Variants in DYNC2I1 observed in about 807,000 individuals in gnomAD.
DYNC2I1 encodes the protein dynein 2 intermediate chain 1.
A neutral mutation model predicts 133.4 loss-of-function variants in DYNC2I1; 89 were observed. The ratio of observed to expected loss-of-function variants is 0.67; its 90% CI spans 0.56 to 0.80. The LOEUF is 0.80. Ranked by LOEUF, DYNC2I1 falls within the 30% of genes least tolerant of loss-of-function variation. The probability of loss-of-function intolerance (pLI) is 0.00; values close to 1 mark genes in which losing one functional copy is unlikely to be tolerated. For synonymous variants in DYNC2I1, 504 were observed against 484.3 expected (o/e 1.04, Z -0.54); for missense variants, 1,291 against 1,314.5 (o/e 0.98, Z 0.28).
chr7:158,875,937 A>G (rs545491194), intron 3 of DYNC2I1, among the ~76,000 whole-genome samples: 81 of 152,292 alleles, frequency 5.3e-4, no homozygotes, highest in African/African-American at 1.8e-3. Context: ...TTGAATTTCC[A>G]AGGGTTACTC....
At chr7:158,862,558 A>C (rs1428759339) in intron 1 of DYNC2I1, among the ~76,000 whole-genome samples, 1 of 150,978 alleles carries the variant, frequency 6.6e-6, no homozygotes, top group East Asian at 2.0e-4. Flanking sequence ...CTCTTAAAAA[A>C]AAAAAAAAAA....
chr7:158,932,588 C>T (rs1378138163), intron 21 of DYNC2I1, among the ~76,000 whole-genome samples: 1 of 152,092 alleles, frequency 6.6e-6, no homozygotes, highest in Non-Finnish European at 1.5e-5. Flanking sequence ...TGGACATTAG[C>T]ATAAAGGTGG....
chr7:158,862,872 G>A lies in DYNC2I1; in HGVS notation c.15+6122G>A, dbSNP rs150034771. ...GTCTTGCTGACTTCAGGAGTGAAGC[G>A]ACAGACCTTCGCAGTGAGCGTTACA... On this transcript the variant is annotated intron_variant, in intron 1 of 24. Transcript: ENST00000407559. Among the ~76,000 whole-genome samples the A allele has an allele frequency of 2.5e-3, 378 of 152,026 alleles. 1 individual carries two copies. The highest frequency in any genetic ancestry group is 8.1e-3 in the South Asian group (39 of 4,798).
chr7:158,896,654 G>A lies in DYNC2I1; in HGVS notation c.1060-5085G>A, dbSNP rs115509667. The stretch of plus-strand genomic sequence containing the variant: ...TGCCCAGCTAGTTTTTAAATTTTTT[G>A]TAGAGACAGGGTCTTAAGATCTCAC... On this transcript the variant is annotated intron_variant, in intron 8 of 24. Coordinates refer to ENST00000407559, the MANE Select transcript of DYNC2I1 (RefSeq NM_018051.5). Among the ~76,000 whole-genome samples, 1,501 of 152,036 alleles carry A rather than the reference G, an allele frequency of 9.9e-3. 30 individuals carry two copies. The highest frequency in any genetic ancestry group is 0.034 in the African/African-American group (1,405 of 41,446).
chr7:158,841,118 C>A, the DYNC2I1 span, among the ~76,000 whole-genome samples: 1 of 143,354 alleles, frequency 7.0e-6, no homozygotes, highest in African/African-American at 2.7e-5. Flanking sequence ...AACTCCCAGT[C>A]ACAAAACACA....
intron 13 of DYNC2I1, among the ~76,000 whole-genome samples, chr7:158,913,906 C>T (rs771606406): frequency 1.4e-4 from 21 of 152,234 alleles, no homozygotes; most frequent in African/African-American, 2.9e-4. Context: ...GATGGGGTTT[C>T]GCCATGTTGG....
chr7:158,870,149 A>G (rs842697), intron 2 of DYNC2I1, among the ~76,000 whole-genome samples: 42,112 of 151,996 alleles, frequency 0.28, 6,724 homozygotes, highest in African/African-American at 0.43. Context: ...GCACTGCTTT[A>G]GGGCAGGGAG....
chr7:158,915,553 A>G (rs1303968708), intron 14 of DYNC2I1, among the ~76,000 whole-genome samples: 2 of 152,092 alleles, frequency 1.3e-5, no homozygotes, highest in Non-Finnish European at 2.9e-5. Flanking sequence ...GGTGGTTGAG[A>G]TTAAGGATGA....
chr7:158,910,799 G>C (rs1285717212), intron 11 of DYNC2I1, among the ~76,000 whole-genome samples: 1 of 150,120 alleles, frequency 6.7e-6, no homozygotes, highest in Non-Finnish European at 1.5e-5. Flanking sequence ...TGTGCGCAGG[G>C]CGATTGGCTG....
At chr7:158,896,615 G>A (rs1845782398) in intron 8 of DYNC2I1, among the ~76,000 whole-genome samples, 1 of 152,110 alleles carries the variant, frequency 6.6e-6, no homozygotes, top group African/African-American at 2.4e-5. Context: ...TGGGACTACA[G>A]GCATGTGCCA....
rs1847654486 is a variant in DYNC2I1, at chr7:158,913,116, T to C, written c.1702+20T>C. The stretch of plus-strand genomic sequence containing the variant: ...CTGGAGGTAACATCTTGCTCTTGAG[T>C]GTTGACCATTGACTCTCTTTACATT... On this transcript the variant is annotated intron_variant, in intron 13 of 24. Coordinates refer to ENST00000407559, the MANE Select transcript of DYNC2I1 (RefSeq NM_018051.5). The C allele has an allele frequency of 6.5e-7, 1 of 1,527,382 alleles. No individual in the cohort carries two copies. Among genetic ancestry groups the C allele is most frequent in the Non-Finnish European group, 9.0e-7 (1 of 1,109,160 alleles). 94.6% of individuals were successfully genotyped at this position (1,527,382 alleles called of 1,614,324 possible).
At chr7:158,867,942 C>T (rs967659562) in intron 1 of DYNC2I1, among the ~76,000 whole-genome samples, 1 of 152,120 alleles carries the variant, frequency 6.6e-6, no homozygotes, top group Non-Finnish European at 1.5e-5. Flanking sequence ...GTTTGGGCAA[C>T]ATGGCGGAAC....
intron 1 of DYNC2I1, 149 bp downstream of exon 1, chr7:158,856,899 G>A: frequency 1.0e-6 from 1 of 963,910 alleles, no homozygotes; most frequent in Non-Finnish European, 1.3e-6. Flanking sequence ...TGCCTCCGAG[G>A]CAGGAAGGGA....
chr7:158,952,446 G>A (rs1852081678), intron 4 of DYNC2I1, among the ~76,000 whole-genome samples: 1 of 152,196 alleles, frequency 6.6e-6, no homozygotes, highest in Admixed American at 6.5e-5. Flanking sequence ...GTTAGAGAAG[G>A]CCTCTTCCGT....
downstream of DYNC2I1, among the ~76,000 whole-genome samples, chr7:158,950,586 C>T (rs62477966): frequency 2.7e-3 from 45 of 16,910 alleles, no homozygotes; most frequent in African/African-American, 0.013. Flanking sequence ...AGCCTCTATA[C>T]GATTCCAGGT....
At chr7:158,924,595 A>G (rs1260914358) in intron 17 of DYNC2I1, among the ~76,000 whole-genome samples, 2 of 151,680 alleles carry the variant, frequency 1.3e-5, no homozygotes, top group East Asian at 1.9e-4. Context: ...ATCGCAACTT[A>G]TGGGTTGCGA....
At chr7:158,865,084 G>GGGGGTC (rs1279440357) in intron 1 of DYNC2I1, among the ~76,000 whole-genome samples, 8 of 152,234 alleles carry the variant, frequency 5.3e-5, no homozygotes, top group African/African-American at 1.9e-4. Context: ...CACTCGTAGT[G>GGGGGTC]GGGGTCGGAC....
chr7:158,871,434 G>A lies in DYNC2I1; in HGVS notation c.362G>A (p.Arg121Lys), dbSNP rs1400889365. The A allele has an allele frequency of 6.4e-7, 1 of 1,551,250 alleles. No individual in the cohort carries two copies. Among genetic ancestry groups the A allele is most frequent in the African/African-American group, 1.4e-5 (1 of 73,026 alleles). Residue 121 changes from arginine (R) to lysine (K), a missense_variant, in exon 3 of 25, where the codon AGG becomes AAG. By Grantham distance (26) the Arg-to-Lys change is conservative (BLOSUM62 2). Coordinates refer to ENST00000407559, the MANE Select transcript of DYNC2I1 (RefSeq NM_018051.5). The stretch of plus-strand genomic sequence containing the variant: ...AAGTCTCACAGCAGAGGAAAGGACA[G>A]GGAAAAAGAAAAAGACAGAAGGGCC... ...AEKSHSRGKD[R>K]EKEKDRRARK...
chr7:158,943,743 T>C (rs1236017550), intron 24 of DYNC2I1, among the ~76,000 whole-genome samples: 1 of 152,116 alleles, frequency 6.6e-6, no homozygotes, highest in Non-Finnish European at 1.5e-5. Context: ...TTCTGGAGCC[T>C]TGTCTTAGGG....
Sources: allele counts gnomAD v4.1 joint callset (sites outside exome capture counted in the v4.1 genomes callset), GRCh38; gene constraint gnomAD v4.1.1; transcripts MANE v1.5; gene names NCBI Gene and HGNC (gene_info 2026-07-23, HGNC 2026-07-21).